The following DMBT1 variants were observed in gnomAD, a reference collection of about 807,000 sequenced individuals.
The protein encoded by DMBT1 is deleted in malignant brain tumors 1.
DMBT1 carries 198 observed loss-of-function variants against 252.9 expected under a neutral mutation model. The observed-to-expected ratio is 0.78, with a 90% CI of 0.70 to 0.88. The LOEUF (loss-of-function observed/expected upper bound fraction) is 0.88, where lower values mean the gene tolerates loss of function less well. Among genes scored for constraint, DMBT1 ranks in the 40% least tolerant of loss-of-function variants. DMBT1 has a pLI of 0.00. For missense variants in DMBT1, 2,432 were observed against 2,404.7 expected (o/e 1.01, Z -0.24); for synonymous variants, 990 against 942.7 (o/e 1.05, Z -0.92).
intron 3 of DMBT1, among the ~76,000 whole-genome samples, chr10:122,570,630 T>G (rs12780008): frequency 0.69 from 104,411 of 151,934 alleles, 36,074 homozygotes; most frequent in East Asian, 0.77. Flanking sequence ...GAATAGACTG[T>G]GTGACTTGTT....
chr10:122,598,985 C>A lies in DMBT1; in HGVS notation c.3168C>A (p.Val1056=), dbSNP rs757709225. ...TTGGTCAGGGCTCAGGACCCATTGT[C>A]CTGGATGATGTGCGCTGCTCAGGAC... is the stretch of plus-strand genomic sequence containing the variant. ...ARFGQGSGPI[V]LDDVRCSGHE... is the part of the protein sequence containing the mutation. Residue 1056 remains valine (V), a synonymous_variant, in exon 26 of 56, where the codon GTC becomes GTA. Coordinates refer to ENST00000338354, the MANE Select transcript of DMBT1 (RefSeq NM_001377530.1). 1 of 1,613,770 alleles carries A rather than the reference C, an allele frequency of 6.2e-7. No individual in the cohort carries two copies. Among genetic ancestry groups the A allele is most frequent in the South Asian group, 1.1e-5 (1 of 91,076 alleles).
intron 1 of DMBT1, among the ~76,000 whole-genome samples, chr10:122,563,456 GA>G (rs1326523405): frequency 6.6e-6 from 1 of 152,036 alleles, no homozygotes; most frequent in Non-Finnish European, 1.5e-5. Flanking sequence ...ATAAAGCCTG[GA>G]GTAAACTTAG....
At chr10:122,640,893 T>C (rs1441758817) in intron 55 of DMBT1, among the ~76,000 whole-genome samples, 1 of 152,218 alleles carries the variant, frequency 6.6e-6, no homozygotes, top group Non-Finnish European at 1.5e-5. Context: ...AGTTGCATGA[T>C]TCTGGGCCAG....
intron 8 of DMBT1, 29 bp from the exon 9 acceptor site, chr10:122,578,689 G>A (rs773165901): frequency 6.3e-7 from 1 of 1,591,780 alleles, no homozygotes; most frequent in East Asian, 2.2e-5. Context: ...AAGTCCAATT[G>A]TATCCTTTCT....
At chr10:122,571,779 GC>G (rs2097666027) in intron 4 of DMBT1, among the ~76,000 whole-genome samples, 1 of 152,218 alleles carries the variant, frequency 6.6e-6, no homozygotes, top group African/African-American at 2.4e-5. Context: ...AGGCTACCAT[GC>G]CTGGGGTGTG....
At position 122,586,160 on chromosome 10, in the gene DMBT1, T is replaced by G; in HGVS notation, c.1560T>G (p.Asp520Glu). The G allele has an allele frequency of 6.3e-7, 1 of 1,589,318 alleles. No individual in the cohort carries two copies. The highest frequency in any genetic ancestry group is 8.6e-7 in the Non-Finnish European group (1 of 1,166,134). ...GAGGCTCCTGGGGCACCGTGTGTGA[T>G]GACAGCTGGGACACCAATGATGCCA... The part of the protein sequence containing the change: ...LYRGSWGTVC[D>E]DSWDTNDANV... The change falls in exon 16 of 56, where the codon GAT (aspartate) becomes GAG (glutamate). Residue 520 changes from aspartate to glutamate, a missense_variant. Asp to Glu is a conservative substitution (Grantham distance 45, BLOSUM62 2). This residue lies in a region of DMBT1 where 1,264 missense variants were observed against 1,082.2 expected (regional missense o/e 1.17). Transcript: ENST00000338354.
intron 41 of DMBT1, among the ~76,000 whole-genome samples, chr10:122,618,714 A>G (rs1365222300): frequency 2.0e-5 from 3 of 152,202 alleles, no homozygotes; most frequent in African/African-American, 4.8e-5. Flanking sequence ...CTCTCACTAC[A>G]AGGAACTGTG....
chr10:122,588,481 C>T (rs2097814055), intron 16 of DMBT1, among the ~76,000 whole-genome samples: 2 of 149,142 alleles, frequency 1.3e-5, no homozygotes, highest in Admixed American at 1.3e-4. Context: ...TCGTTCCTGG[C>T]CCTCCAGCCA....
intron 42 of DMBT1, among the ~76,000 whole-genome samples, chr10:122,619,804 C>T (rs1481631877): frequency 1.3e-5 from 2 of 152,228 alleles, no homozygotes; most frequent in Non-Finnish European, 2.9e-5. Context: ...TTTTGCAAGG[C>T]CATATCTGCA....
intron 6 of DMBT1, among the ~76,000 whole-genome samples, chr10:122,575,750 A>G (rs2133540653): frequency 6.6e-6 from 1 of 152,348 alleles, no homozygotes; most frequent in East Asian, 1.9e-4. Flanking sequence ...TCTGGATCCC[A>G]GAGGTCAGCT....
At chr10:122,627,711 G>T (rs559562180) in intron 46 of DMBT1, among the ~76,000 whole-genome samples, 4 of 152,274 alleles carry the variant, frequency 2.6e-5, no homozygotes, top group Admixed American at 1.3e-4. Flanking sequence ...TTATTTCCCA[G>T]TGTAGAAATA....
At chr10:122,574,758 C>G (rs1232150413) in intron 6 of DMBT1, among the ~76,000 whole-genome samples, 1 of 152,178 alleles carries the variant, frequency 6.6e-6, no homozygotes, top group Admixed American at 6.5e-5. Flanking sequence ...GTGGGACAAG[C>G]CCTTTGGTAT....
At chr10:122,572,681 GT>G (rs1300948206) in intron 5 of DMBT1, among the ~76,000 whole-genome samples, 1 of 152,202 alleles carries the variant, frequency 6.6e-6, no homozygotes, top group Non-Finnish European at 1.5e-5. Flanking sequence ...ATATCCTGAA[GT>G]TGGATGTGGT....
intron 41 of DMBT1, 48 bp downstream of exon 41, chr10:122,618,388 C>T (rs1324191365): frequency 6.2e-7 from 1 of 1,613,308 alleles, no homozygotes; most frequent in Non-Finnish European, 8.5e-7. Flanking sequence ...GAAGTTTGCT[C>T]AGGAAGAAAA....
chr10:122,591,635 G>A lies in DMBT1; in HGVS notation c.2176+118G>A, dbSNP rs968504276. The A allele has an allele frequency of 6.7e-5, 78 of 1,167,316 alleles. 7 individuals carry two copies. The highest frequency in any genetic ancestry group is 5.8e-4 in the Middle Eastern group (3 of 5,132). The allele number at this position is 1,167,316 out of a possible 1,614,324, so 72.3% of individuals were successfully genotyped here. On this transcript the variant is annotated intron_variant, in intron 19 of 55. Transcript: ENST00000338354. Reference sequence around the variant, plus strand: ...CCCTGTCTTTTTCACATCCCTGTGCGCTGAGTGGGAGGAAGTTGAGTCTCT... The same window carrying A: ...CCCTGTCTTTTTCACATCCCTGTGCACTGAGTGGGAGGAAGTTGAGTCTCT...
At chr10:122,593,226 G>A (rs1036826325) in intron 20 of DMBT1, among the ~76,000 whole-genome samples, 1 of 148,702 alleles carries the variant, frequency 6.7e-6, no homozygotes, top group Non-Finnish European at 1.5e-5. Flanking sequence ...GCCTGTGGTC[G>A]GGGCTTGAAG....
rs890713224 is a variant in DMBT1 at position 122,620,306 on chromosome 10, C to T, written c.5284+15C>T. ...ATTGACAGTAGGTAAATAATCCTCT[C>T]GCCCCTCCCTAGGGCTCACTCTCTA... On this transcript the variant is annotated intron_variant, in intron 43 of 55. Coordinates refer to ENST00000338354, the MANE Select transcript of DMBT1 (RefSeq NM_001377530.1). The T allele has an allele frequency of 1.9e-5, 31 of 1,613,708 alleles. No individual in the cohort carries two copies. The African/African-American group carries it at 2.1e-4, about 11-fold the overall frequency.
intron 55 of DMBT1, among the ~76,000 whole-genome samples, chr10:122,642,276 A>G (rs936973919): frequency 1.4e-4 from 21 of 152,184 alleles, no homozygotes; most frequent in African/African-American, 4.1e-4. Flanking sequence ...GGAGGGGAGC[A>G]GATCCTGGCC....
chr10:122,587,384 G>C (rs373384609), intron 16 of DMBT1, among the ~76,000 whole-genome samples: 1 of 148,852 alleles, frequency 6.7e-6, no homozygotes, highest in East Asian at 2.1e-4. Context: ...TTGGGGGTGT[G>C]AGTGCTTGAT....
Sources: gnomAD v4.1 joint callset for allele counts (sites outside exome capture counted in the v4.1 genomes callset) on GRCh38, gnomAD v4.1.1 for gene constraint, gnomAD v4.1.1 regional missense constraint, MANE v1.5 for transcripts, NCBI Gene and HGNC (gene_info 2026-07-23, HGNC 2026-07-21) for gene names.